The following CNTN5 variants were observed in gnomAD, a reference collection of about 807,000 sequenced individuals.
The protein encoded by CNTN5 is contactin-5.
Under a neutral mutation model 129.1 loss-of-function variants are expected in CNTN5, and 77 were observed. The observed-to-expected ratio is 0.60, with a 90% CI of 0.50 to 0.72. The LOEUF is 0.72. Ranked by LOEUF, CNTN5 falls within the 30% of genes least tolerant of loss-of-function variation. The pLI is 0.00. For missense variants in CNTN5, 1,478 were observed against 1,328.8 expected, an observed-to-expected ratio of 1.11 and a Z score of -1.75; for synonymous variants, 509 against 465.6, an observed-to-expected ratio of 1.09 and a Z score of -1.20.
intron 1 of CNTN5, among the ~76,000 whole-genome samples, chr11:99,311,690 A>C (rs1865122304): frequency 6.6e-6 from 1 of 152,186 alleles, no homozygotes; most frequent in Non-Finnish European, 1.5e-5. Context: ...CCTTTTTAAA[A>C]AGTCGAACTC....
Position 99,573,785 on chromosome 11 carries a change from C to G in CNTN5, c.55+17516C>G, listed in dbSNP as rs371383245. 2.2e-4 allele frequency among the ~76,000 whole-genome samples: 34 copies of G among 151,880 alleles called. 1 individual carries two copies. In the South Asian group the frequency reaches 6.7e-3, roughly 30 times the overall value. On this transcript the variant is annotated intron_variant, in intron 3 of 24. Transcript: ENST00000524871. ...TTTTGTCTTCTTTTCATTGGCCATGCATGCATTTTGGAGAAACCTTTCTAG... is the reference window on the plus strand; with the variant it reads ...TTTTGTCTTCTTTTCATTGGCCATGGATGCATTTTGGAGAAACCTTTCTAG...
chr11:99,864,838 C>T (rs1820293825), intron 6 of CNTN5, among the ~76,000 whole-genome samples: 1 of 152,156 alleles, frequency 6.6e-6, no homozygotes, highest in South Asian at 2.1e-4. Context: ...TGAAAGTGTA[C>T]ATTCTTCTCT....
At chr11:99,593,907 C>T (rs1171904399) in intron 3 of CNTN5, among the ~76,000 whole-genome samples, 1 of 152,142 alleles carries the variant, frequency 6.6e-6, no homozygotes, top group Non-Finnish European at 1.5e-5. Context: ...TGGAATGTGC[C>T]AATTATCTTA....
At chr11:99,960,257 A>G (rs1019129211) in intron 8 of CNTN5, among the ~76,000 whole-genome samples, 2 of 152,130 alleles carry the variant, frequency 1.3e-5, no homozygotes, top group African/African-American at 4.8e-5. Context: ...TGAAATTTCT[A>G]CTGCTCTTTT....
chr11:99,578,584 C>G (rs10790811), intron 3 of CNTN5, among the ~76,000 whole-genome samples: 134,461 of 147,884 alleles, frequency 0.91, 61,311 homozygotes, highest in East Asian at 1. Flanking sequence ...GGCCAGTGAT[C>G]ATGAGCATTT....
rs550371330 is a variant in CNTN5, at chr11:99,784,017, T to C, written c.56-35527T>C. Among the ~76,000 whole-genome samples the C allele has an allele frequency of 1.8e-4, 28 of 152,246 alleles. No individual in the cohort carries two copies. In the South Asian group the frequency reaches 2.5e-3, roughly 14 times the overall value. ...CTAGCTGTTTTTGTGTGGTCCTGAC[T>C]ACTTTAAAAGCTGTGTGCCTTGATA... is the stretch of plus-strand genomic sequence containing the variant. On this transcript the variant is annotated intron_variant, in intron 3 of 24. Coordinates refer to ENST00000524871, the MANE Select transcript of CNTN5 (RefSeq NM_014361.4).
rs553449210 is a variant in CNTN5, at chr11:99,192,234, A to T, written c.-209-133112A>T. On this transcript the variant is annotated intron_variant, in intron 1 of 24. Transcript: ENST00000524871. ...ACAGAAATACAAATAATTGTAAGAG[A>T]CTACTGTGAATAGTTATATGCCAAC... Among the ~76,000 whole-genome samples the T allele has an allele frequency of 3.8e-4, 58 of 151,944 alleles. 1 individual carries two copies. The South Asian group carries it at 6.6e-3, about 17-fold the overall frequency.
At chr11:100,096,738 T>C (rs929016086) in intron 13 of CNTN5, among the ~76,000 whole-genome samples, 14 of 152,122 alleles carry the variant, frequency 9.2e-5, no homozygotes, top group African/African-American at 3.4e-4. Flanking sequence ...GGCATGTCAC[T>C]TTCTACCAGC....
intron 3 of CNTN5, among the ~76,000 whole-genome samples, chr11:99,687,843 C>G (rs1953861917): frequency 6.6e-6 from 1 of 152,140 alleles, no homozygotes; most frequent in Non-Finnish European, 1.5e-5. Flanking sequence ...GATTCAGGTG[C>G]TGGTTCTGTC....
intron 1 of CNTN5, among the ~76,000 whole-genome samples, chr11:99,133,625 A>AAAAAAAAAAAAAAAAAAAAAAAAAAAAC (rs1565344500): frequency 1.4e-5 from 1 of 69,632 alleles, no homozygotes. Flanking sequence ...CAAGAAAAAA[A>AAAAAAAAAAAAAAAAAAAAAAAAAAAAC]AAAGACCATA....
intron 2 of CNTN5, among the ~76,000 whole-genome samples, chr11:99,463,443 G>GGAAA (rs1554994442): frequency 1.6e-5 from 2 of 126,892 alleles, no homozygotes; most frequent in Non-Finnish European, 3.2e-5. Context: ...GTCTCAAAAA[G>GGAAA]AAAAAAAAAA....
intron 2 of CNTN5, among the ~76,000 whole-genome samples, chr11:99,525,876 T>C (rs1046842262): frequency 1.9e-4 from 29 of 152,224 alleles, no homozygotes; most frequent in African/African-American, 6.8e-4. Context: ...AGAGGATGAT[T>C]ATCAATCCTA....
chr11:99,192,796 A>G (rs1341630983), intron 1 of CNTN5, among the ~76,000 whole-genome samples: 3 of 152,118 alleles, frequency 2.0e-5, no homozygotes, highest in Non-Finnish European at 4.4e-5. Context: ...ACAGATTTTT[A>G]CTTACTGTTA....
intron 1 of CNTN5, among the ~76,000 whole-genome samples, chr11:99,200,724 C>T (rs980286270): frequency 3.9e-5 from 6 of 152,174 alleles, no homozygotes; most frequent in African/African-American, 1.4e-4. Context: ...TGCATAAGGA[C>T]TGCACTGTTT....
At chr11:100,247,188 T>G (rs1008982725) in intron 16 of CNTN5, among the ~76,000 whole-genome samples, 13 of 151,934 alleles carry the variant, frequency 8.6e-5, no homozygotes, top group African/African-American at 3.1e-4. Context: ...ATAGGCAAAG[T>G]AAGGAGGGAC....
chr11:100,210,232 G>A (rs1591395705), intron 15 of CNTN5, among the ~76,000 whole-genome samples: 1 of 148,468 alleles, frequency 6.7e-6, no homozygotes. Context: ...TGTATCTGTA[G>A]TCCCAGCTAC....
chr11:99,968,040 A>T (rs539597511), intron 8 of CNTN5, among the ~76,000 whole-genome samples: 190 of 152,332 alleles, frequency 1.2e-3, no homozygotes, highest in Non-Finnish European at 2.1e-3. Context: ...TTAAGCAAAG[A>T]TATAGCAAAG....
intron 3 of CNTN5, among the ~76,000 whole-genome samples, chr11:99,817,091 A>C: frequency 6.6e-6 from 1 of 152,204 alleles, no homozygotes; most frequent in East Asian, 1.9e-4. Context: ...ACATGATACT[A>C]ACATTGTATG....
chr11:99,658,647 G>GGAGGATGCAGTGGGCCAA (rs1952472453), intron 3 of CNTN5, among the ~76,000 whole-genome samples: 1 of 148,440 alleles, frequency 6.7e-6, no homozygotes. Context: ...TGAGACAGGT[G>GGAGGATGCAGTGGGCCAA]GATCACCTGA....
Sources: gnomAD v4.1 joint callset for allele counts (sites outside exome capture counted in the v4.1 genomes callset) on GRCh38, gnomAD v4.1.1 for gene constraint, MANE v1.5 for transcripts, NCBI Gene and HGNC (gene_info 2026-07-23, HGNC 2026-07-21) for gene names.